ZC3H12D: variants seen among roughly 807,000 people sequenced by gnomAD.
The protein encoded by ZC3H12D is probable ribonuclease ZC3H12D.
ZC3H12D carries 11 observed loss-of-function variants against 24.2 expected under a neutral mutation model. The ratio of observed to expected loss-of-function variants is 0.46; its 90% confidence interval spans 0.29 to 0.75. The LOEUF (loss-of-function observed/expected upper bound fraction) is 0.75, where lower values mean the gene tolerates loss of function less well. Ranked by LOEUF, ZC3H12D falls within the 30% of genes least tolerant of loss-of-function variation. The pLI is 0.11. For synonymous variants in ZC3H12D, 333 were observed against 341.8 expected, an observed-to-expected ratio of 0.97 and a Z score of 0.28; for missense variants, 740 against 767.7, an observed-to-expected ratio of 0.96 and a Z score of 0.43.
At chr6:149,470,626 C>A (rs949340707) in intron 2 of ZC3H12D, among the ~76,000 whole-genome samples, 2 of 152,122 alleles carry the variant, frequency 1.3e-5, no homozygotes, top group African/African-American at 4.8e-5. Flanking sequence ...GATGAAAAGG[C>A]CTTTTAAGGT....
intron 3 of ZC3H12D, among the ~76,000 whole-genome samples, chr6:149,461,339 C>CA (rs202117524): frequency 0.074 from 7,048 of 94,964 alleles, 468 homozygotes; most frequent in East Asian, 0.4. Context: ...GATTTGGTCT[C>CA]AAAAAAAAAA....
intron 1 of ZC3H12D, among the ~76,000 whole-genome samples, chr6:149,482,291 G>A (rs924142892): frequency 6.6e-6 from 1 of 152,256 alleles, no homozygotes; most frequent in Non-Finnish European, 1.5e-5. Context: ...CCCTGGAGCC[G>A]CAGCCTTCCC....
intron 2 of ZC3H12D, among the ~76,000 whole-genome samples, chr6:149,462,396 A>AAC (rs3056032): frequency 0.36 from 55,114 of 151,184 alleles, 10,512 homozygotes; most frequent in African/African-American, 0.46. Context: ...AACAAAACAA[A>AAC]AAAAAACCAC....
chr6:149,452,329 G>A lies in ZC3H12D; in HGVS notation c.787+287C>T. On this transcript the variant is annotated intron_variant, in intron 5 of 5. Transcript: ENST00000409806. This position sits in a 1 kb window ranked among gnomAD's most constrained non-coding sequence, Gnocchi z 4.0. ...GTGAAGGGACTGAGACCCGCAGCTG[G>A]GTTTGTGTCCAGGCTCCCGGCTTCT... is the stretch of plus-strand genomic sequence containing the variant. 5.8e-6 allele frequency: 2 copies of A among 347,050 alleles called. No individual in the cohort carries two copies. Among genetic ancestry groups the A allele is most frequent in the Non-Finnish European group, 1.0e-5 (2 of 192,422 alleles). 21.5% of individuals were successfully genotyped at this position (347,050 alleles called of 1,614,324 possible). A position where few individuals can be genotyped will look rare whatever the true frequency, so the allele number is the denominator to read the frequency against.
intron 2 of ZC3H12D, among the ~76,000 whole-genome samples, chr6:149,471,085 A>C (rs966481087): frequency 1.4e-4 from 22 of 152,136 alleles, no homozygotes; most frequent in Non-Finnish European, 2.9e-5. Context: ...ACGTTGACCC[A>C]CCTCTTACAA....
Position 149,451,277 on chromosome 6 carries a change from G to A in ZC3H12D, c.990C>T (p.Leu330=). 7.7e-7 allele frequency: 1 copy of A among 1,304,180 alleles called. No homozygotes were observed. The highest frequency in any genetic ancestry group is 9.7e-7 in the Non-Finnish European group (1 of 1,033,286). 80.8% of individuals were successfully genotyped at this position (1,304,180 alleles called of 1,614,324 possible). ...GGTCCGGGGACCCCCGCGCCGGCGG[G>A]AGGCTGTGCGCAAATGGTTCCCGGG... The part of the protein sequence containing the change: ...AAPREPFAHS[L]PPARGSPDLA... The change falls in exon 6 of 6, where the codon CTC becomes CTT. Residue 330 remains leucine (L), a synonymous_variant. Coordinates refer to ENST00000409806, the MANE Select transcript of ZC3H12D (RefSeq NM_207360.3).
At position 149,484,860 on chromosome 6, in the gene ZC3H12D, G is replaced by A. The variant is rs1025277052; in HGVS notation, c.-118C>T. On this transcript the variant is annotated 5_prime_UTR_variant, in exon 1 of 6. Coordinates refer to ENST00000409806, the MANE Select transcript of ZC3H12D (RefSeq NM_207360.3). ...CTTCACAATGAATGCTGGCCCAGTC[G>A]CCAGCAGCCTTCACGCCAATGTTCT... 44 of 152,156 alleles carry A rather than the reference G, an allele frequency of 2.9e-4. No individual in the cohort carries two copies. Among genetic ancestry groups the A allele is most frequent in the African/African-American group, 8.9e-4 (37 of 41,432 alleles). The allele number at this position is 152,156 out of a possible 1,614,324, so 9.4% of individuals were successfully genotyped here.
chr6:149,478,177 A>C (rs1270770479), intron 1 of ZC3H12D, among the ~76,000 whole-genome samples: 1 of 151,970 alleles, frequency 6.6e-6, no homozygotes, highest in South Asian at 2.1e-4. Context: ...AAAAAAAAAA[A>C]AAAAAAAACT....
At chr6:149,454,284 A>G (rs1775945403) in intron 4 of ZC3H12D, among the ~76,000 whole-genome samples, 1 of 152,214 alleles carries the variant, frequency 6.6e-6, no homozygotes, top group Admixed American at 6.5e-5. Context: ...CACTTTTTAC[A>G]TAAATACTTT....
intron 1 of ZC3H12D, among the ~76,000 whole-genome samples, chr6:149,481,705 G>A (rs1776427975): frequency 6.7e-6 from 1 of 148,692 alleles, no homozygotes; most frequent in Admixed American, 6.6e-5. Context: ...AGGCCTTCCC[G>A]TTACACCTGG....
chr6:149,473,667 C>G (rs1294914814), intron 2 of ZC3H12D, among the ~76,000 whole-genome samples: 1 of 152,188 alleles, frequency 6.6e-6, no homozygotes, highest in Non-Finnish European at 1.5e-5. Context: ...CTTAAGGTAG[C>G]CGCAACACCG....
At position 149,474,302 on chromosome 6, in the gene ZC3H12D, T is replaced by C. The variant is rs766728258; in HGVS notation, c.242A>G (p.Asp81Gly). 6.3e-7 allele frequency: 1 copy of C among 1,575,208 alleles called. No homozygotes were observed. Among genetic ancestry groups the C allele is most frequent in the South Asian group, 1.1e-5 (1 of 88,626 alleles). Residue 81 changes from aspartate to glycine, a missense_variant, in exon 2 of 6, where the codon GAC becomes GGC. Physicochemically the swap from Asp to Gly is moderately conservative, Grantham distance 94. Transcript: ENST00000409806. ...CAGAGAACTGGCCAGGGTTCTGAAGTCCTCTTCCAGGGCTGTCCCCGGGCC... is the reference window on the plus strand; with the variant it reads ...CAGAGAACTGGCCAGGGTTCTGAAGCCCTCTTCCAGGGCTGTCCCCGGGCC... Reference protein sequence around the residue: ...QRGPGTALEEDFRTLASSLRP... With the variant: ...QRGPGTALEEGFRTLASSLRP...
At position 149,449,121 on chromosome 6, in the gene ZC3H12D, C is replaced by T. The variant is rs961656041; in HGVS notation, c.*1562G>A. 8 of 152,272 alleles carry T rather than the reference C, an allele frequency of 5.3e-5. No homozygotes were observed. Among genetic ancestry groups the T allele is most frequent in the African/African-American group, 1.9e-4 (8 of 41,466 alleles). 9.4% of individuals were successfully genotyped at this position (152,272 alleles called of 1,614,324 possible). A position where few individuals can be genotyped will look rare whatever the true frequency, so the allele number is the denominator to read the frequency against. On this transcript the variant is annotated 3_prime_UTR_variant, in exon 6 of 6. Coordinates refer to ENST00000409806, the MANE Select transcript of ZC3H12D (RefSeq NM_207360.3). The stretch of plus-strand genomic sequence containing the variant: ...TCGGCACTCTGGCAGCACCATCTCA[C>T]TTCTTAGCCATTGCAAATGAGTAGG...
In ZC3H12D at chr6:149,451,172, G is replaced by A. The variant is rs1295454520; in HGVS notation, c.1095C>T (p.Pro365=). The change falls in exon 6 of 6, where the codon CCC becomes CCT. Residue 365 remains proline, a synonymous_variant. Transcript: ENST00000409806. ...LGPLGPPLPV[P]ACSLTPRLGG... is the part of the protein sequence containing the mutation. ...CCAGTCGGGGCGTGAGGCTGCAGGC[G>A]GGGACCGGGAGAGGCGGCCCCAGGG... The A allele has an allele frequency of 1.4e-5, 18 of 1,319,516 alleles. No individual in the cohort carries two copies. In the South Asian group the frequency reaches 4.0e-4, roughly 29 times the overall value. 81.7% of individuals were successfully genotyped at this position (1,319,516 alleles called of 1,614,324 possible).
intron 2 of ZC3H12D, among the ~76,000 whole-genome samples, chr6:149,462,716 A>C (rs1354310905): frequency 6.6e-6 from 1 of 152,226 alleles, no homozygotes; most frequent in Non-Finnish European, 1.5e-5. Flanking sequence ...AGGCAGAAGA[A>C]AGTAGAATGA....
Position 149,450,632 on chromosome 6 carries a change from C to T in ZC3H12D, c.*51G>A. 6.9e-7 allele frequency: 1 copy of T among 1,456,804 alleles called. No individual in the cohort carries two copies. The highest frequency in any genetic ancestry group is 9.1e-7 in the Non-Finnish European group (1 of 1,100,610). The allele number at this position is 1,456,804 out of a possible 1,614,324, so 90.2% of individuals were successfully genotyped here. A position where few individuals can be genotyped will look rare whatever the true frequency, so the allele number is the denominator to read the frequency against. On this transcript the variant is annotated 3_prime_UTR_variant, in exon 6 of 6. Coordinates refer to ENST00000409806, the MANE Select transcript of ZC3H12D (RefSeq NM_207360.3). ...GGCTGGCAACCACAGGTCCACCCGTCCAAGACGCAAGGCGAGGCTGGGCCA... is the reference window on the plus strand; with the variant it reads ...GGCTGGCAACCACAGGTCCACCCGTTCAAGACGCAAGGCGAGGCTGGGCCA...
intron 4 of ZC3H12D, among the ~76,000 whole-genome samples, chr6:149,455,441 G>T (rs1396757889): frequency 6.6e-6 from 1 of 152,230 alleles, no homozygotes; most frequent in Non-Finnish European, 1.5e-5. Context: ...CAGAATGAGG[G>T]CCAAGCTAAC....
At chr6:149,472,674 C>T (rs1257406040) in intron 2 of ZC3H12D, among the ~76,000 whole-genome samples, 1 of 152,112 alleles carries the variant, frequency 6.6e-6, no homozygotes, top group Admixed American at 6.5e-5. Flanking sequence ...CCCTCCACCA[C>T]CCCAAAGAGA....
rs55719616 is a variant in ZC3H12D, at chr6:149,465,766, AGG to A, written c.306-3798_306-3797del. ...CGAGACGCCATCTCAAAAAAAAAAA[AGG>A]GGGGGGGAAGAGGAAGCAGATCGCT... On this transcript the variant is annotated intron_variant, in intron 2 of 5. Transcript: ENST00000409806. Among the ~76,000 whole-genome samples, 56 of 143,696 alleles carry A rather than the reference AGG, an allele frequency of 3.9e-4. 1 individual carries two copies. The highest frequency in any genetic ancestry group is 1.1e-3 in the South Asian group (5 of 4,562). The allele number at this position is 143,696 out of a possible 152,430, so 94.3% of individuals were successfully genotyped here. A position where few individuals can be genotyped will look rare whatever the true frequency, so the allele number is the denominator to read the frequency against.
Sources: gnomAD v4.1 joint callset for allele counts (sites outside exome capture counted in the v4.1 genomes callset) on GRCh38, gnomAD v4.1.1 for gene constraint, Gnocchi (gnomAD v3.1) non-coding constraint, MANE v1.5 for transcripts, NCBI Gene and HGNC (gene_info 2026-07-23, HGNC 2026-07-21) for gene names.